TRIM65: variants seen among roughly 807,000 people sequenced by gnomAD.
TRIM65 encodes tripartite motif containing 65, also known as E3 ubiquitin-protein ligase TRIM65.
In TRIM65, 46 loss-of-function variants were observed where a neutral mutation model predicts 36.1. The observed-to-expected ratio is 1.27, with a 90% CI of 1.01 to 1.63. The LOEUF (loss-of-function observed/expected upper bound fraction) is 1.63. Ranked by LOEUF, TRIM65 falls within the 40% of genes most tolerant of loss-of-function variation. The pLI is 0.00. For synonymous variants in TRIM65, 346 were observed against 313.6 expected (o/e 1.10, Z -1.09); for missense variants, 708 against 696.6 (o/e 1.02, Z -0.18).
chr17:75,893,861 T>C (rs1306866287), intron 1 of TRIM65, among the ~76,000 whole-genome samples: 1 of 152,068 alleles, frequency 6.6e-6, no homozygotes, highest in Non-Finnish European at 1.5e-5. Context: ...GCTGCCCCTG[T>C]CGCTCCCTTC....
chr17:75,888,393 T>C (rs2065226733), downstream of TRIM65, among the ~76,000 whole-genome samples: 1 of 149,410 alleles, frequency 6.7e-6, no homozygotes, highest in Admixed American at 6.7e-5. Context: ...TTATTATTAA[T>C]AATATAGAAC....
chr17:75,888,906 T>C (rs2065231109), downstream of TRIM65: 2 of 151,896 alleles, frequency 1.3e-5, no homozygotes, highest in African/African-American at 4.8e-5. Flanking sequence ...GAGGTTTTTT[T>C]TTTTTACAAA....
chr17:75,891,468 C>A, intron 5 of TRIM65, 121 bp from the exon 6 acceptor site: 1 of 1,074,036 alleles, frequency 9.3e-7, no homozygotes, highest in Non-Finnish European at 1.3e-6. Context: ...AGCACTTAAT[C>A]CTCGCCACGA....
At position 75,891,152 on chromosome 17, in the gene TRIM65, G is replaced by C. The variant is rs754028130; in HGVS notation, c.1181C>G (p.Ser394Trp). The change falls in exon 6 of 6, where the codon TCG (serine) becomes TGG (tryptophan). Residue 394 changes from serine (S) to tryptophan (W), a missense_variant. Coordinates refer to ENST00000269383, the MANE Select transcript of TRIM65 (RefSeq NM_173547.4). ...HYWEVRASDH[S>W]VTLGVSYPQL... The stretch of plus-strand genomic sequence containing the variant: ...CGGGTAGGAGACGCCCAGTGTCACC[G>C]AGTGGTCTGACGCGCGCACCTCCCA... 1 of 1,608,646 alleles carries C rather than the reference G, an allele frequency of 6.2e-7. No individual in the cohort carries two copies. Among genetic ancestry groups the C allele is most frequent in the African/African-American group, 1.3e-5 (1 of 74,906 alleles).
In TRIM65 at chr17:75,895,404, T is replaced by C. The variant is rs144013573; in HGVS notation, c.414+1120A>G. Among the ~76,000 whole-genome samples the C allele has an allele frequency of 9.2e-4, 140 of 152,142 alleles. 1 individual carries two copies. The highest frequency in any genetic ancestry group is 3.3e-3 in the African/African-American group (136 of 41,514). Reference sequence around the variant, plus strand: ...ATGTGCCAACCTGCTTCCAAGCCTATAATGGCCCCCATGACCCTACAGTAA... The same window carrying C: ...ATGTGCCAACCTGCTTCCAAGCCTACAATGGCCCCCATGACCCTACAGTAA... On this transcript the variant is annotated intron_variant, in intron 1 of 5. Transcript: ENST00000269383.
downstream of TRIM65, among the ~76,000 whole-genome samples, chr17:75,885,502 C>G (rs2065200347): frequency 6.6e-6 from 1 of 152,196 alleles, no homozygotes; most frequent in Non-Finnish European, 1.5e-5. Context: ...TTTGCAGCCT[C>G]CCGAAGTGCT....
chr17:75,881,102 G>C (rs2065166035), intron 4 of TRIM65, among the ~76,000 whole-genome samples: 1 of 149,954 alleles, frequency 6.7e-6, no homozygotes, highest in Non-Finnish European at 1.5e-5. Context: ...AAAAAAATTA[G>C]CCGGGCGTGG....
intron 1 of TRIM65, among the ~76,000 whole-genome samples, chr17:75,893,938 C>T (rs1267580314): frequency 1.3e-5 from 2 of 152,162 alleles, no homozygotes; most frequent in Admixed American, 6.5e-5. Context: ...CTTCTGCACC[C>T]GCCCATGAGC....
At chr17:75,887,263 T>A (rs2065215168), downstream of TRIM65, among the ~76,000 whole-genome samples, 1 of 150,872 alleles carries the variant, frequency 6.6e-6, no homozygotes, top group African/African-American at 2.4e-5. Context: ...GGCAGGCAGA[T>A]GACATGGGTC....
chr17:75,880,126 G>A (rs1315158330), downstream of TRIM65, among the ~76,000 whole-genome samples: 1 of 150,626 alleles, frequency 6.6e-6, no homozygotes, highest in Non-Finnish European at 1.5e-5. Context: ...CTCTCCATTT[G>A]GAATAGAAAG....
intron 4 of TRIM65, among the ~76,000 whole-genome samples, chr17:75,882,079 C>A (rs2065172568): frequency 6.6e-6 from 1 of 150,536 alleles, no homozygotes; most frequent in South Asian, 2.1e-4. Flanking sequence ...GAGGGGGTGC[C>A]TTTCCGGTTG....
chr17:75,896,476 C>A, intron 1 of TRIM65, 48 bp downstream of exon 1: 1 of 1,289,114 alleles, frequency 7.8e-7, no homozygotes, highest in Non-Finnish European at 9.8e-7. Flanking sequence ...CGGCGGTGGC[C>A]AGGCTGCGGC....
At chr17:75,882,171 C>T (rs2065172933) in intron 4 of TRIM65, among the ~76,000 whole-genome samples, 1 of 150,382 alleles carries the variant, frequency 6.6e-6, no homozygotes, top group Admixed American at 6.6e-5. Context: ...GAGGAAAGCA[C>T]AGAGATGCGG....
Position 75,890,704 on chromosome 17 carries a change from C to T in TRIM65, c.*75G>A. ...AGGCCAACAGCTGGTCCTCCAGTCC[C>T]CAAGCTGAAGCTGGGCAGCTCTTGG... On this transcript the variant is annotated 3_prime_UTR_variant, in exon 6 of 6. Transcript: ENST00000269383. 1 of 1,318,738 alleles carries T rather than the reference C, an allele frequency of 7.6e-7. No homozygotes were observed. Among genetic ancestry groups the T allele is most frequent in the Non-Finnish European group, 1.0e-6 (1 of 998,064 alleles). 81.7% of individuals were successfully genotyped at this position (1,318,738 alleles called of 1,614,324 possible).
rs776566521 is a variant in TRIM65 at position 75,892,419 on chromosome 17, C to T, written c.592G>A (p.Ala198Thr). 2.5e-6 allele frequency: 4 copies of T among 1,613,938 alleles called. No homozygotes were observed. The highest frequency in any genetic ancestry group is 8.5e-7 in the Non-Finnish European group (1 of 1,179,814). Residue 198 changes from alanine (A) to threonine (T), a missense_variant, in exon 3 of 6, where the codon GCA becomes ACA. Physicochemically the swap from Ala to Thr is moderately conservative, Grantham distance 58. Transcript: ENST00000269383. ...LQALEIQHTT[A>T]LRSIEVAKTQ... is the part of the protein sequence containing the mutation. Reference sequence around the variant, plus strand: ...TTGGCCACCTCGATGCTCCTCAGTGCTGTCGTGTGCTGTATTTCCAGGGCC... The same window carrying T: ...TTGGCCACCTCGATGCTCCTCAGTGTTGTCGTGTGCTGTATTTCCAGGGCC...
chr17:75,891,446 G>C (rs1050225284), intron 5 of TRIM65, 99 bp from the exon 6 acceptor site: 1 of 1,288,322 alleles, frequency 7.8e-7, no homozygotes, highest in Non-Finnish European at 1.1e-6. Flanking sequence ...GCTGAGCACC[G>C]GCCGTCACCA....
chr17:75,893,215 G>C (rs1218152296), intron 1 of TRIM65, among the ~76,000 whole-genome samples: 1 of 152,332 alleles, frequency 6.6e-6, no homozygotes, highest in East Asian at 1.9e-4. Flanking sequence ...GATAATGCTG[G>C]CTCAGGAGGC....
In TRIM65 at chr17:75,890,996, A is replaced by G. The variant is rs1599454936; in HGVS notation, c.1337T>C (p.Val446Ala). 2 of 1,589,300 alleles carry G rather than the reference A, an allele frequency of 1.3e-6. No individual in the cohort carries two copies. Among genetic ancestry groups the G allele is most frequent in the Non-Finnish European group, 1.7e-6 (2 of 1,168,704 alleles). ...ATCCATGCCCAGGAGCCGCCCTGACACCCCTGGGAGGCGCTGGGCTTCCCC... is the reference window on the plus strand; with the variant it reads ...ATCCATGCCCAGGAGCCGCCCTGACGCCCCTGGGAGGCGCTGGGCTTCCCC... ...HNGEAQRLPG[V>A]SGRLLGMDLD... Residue 446 changes from valine to alanine, a missense_variant, in exon 6 of 6, where the codon GTG (valine) becomes GCG (alanine). Coordinates refer to ENST00000269383, the MANE Select transcript of TRIM65 (RefSeq NM_173547.4).
In TRIM65 at chr17:75,890,939, T is replaced by C. The variant is rs763980640; in HGVS notation, c.1394A>G (p.Tyr465Cys). The C allele has an allele frequency of 3.9e-6, 6 of 1,555,914 alleles. No individual in the cohort carries two copies. Among genetic ancestry groups the C allele is most frequent in the South Asian group, 1.2e-5 (1 of 84,966 alleles). ...GGGCTGGGTCTGGGGCTCCAGGCTG[T>C]AGAAGGTGAGGCAGCCTGAGGCCAG... Reference protein sequence around the residue: ...LDLASGCLTFYSLEPQTQPLY... With the variant: ...LDLASGCLTFCSLEPQTQPLY... The change falls in exon 6 of 6, where the codon TAC (tyrosine) becomes TGC (cysteine). Residue 465 changes from tyrosine to cysteine, a missense_variant. Tyr to Cys is a radical substitution (Grantham distance 194). Transcript: ENST00000269383.
Sources: gnomAD v4.1 joint callset for allele counts (sites outside exome capture counted in the v4.1 genomes callset) on GRCh38, gnomAD v4.1.1 for gene constraint, MANE v1.5 for transcripts, NCBI Gene and HGNC (gene_info 2026-07-23, HGNC 2026-07-21) for gene names.